Variants in CD44 observed in about 807,000 individuals in gnomAD.
The protein encoded by CD44 is CD44 molecule (IN blood group).
CD44 carries 49 observed loss-of-function variants against 88.8 expected under a neutral mutation model. That is an observed-to-expected ratio of 0.55 (90% CI 0.44 to 0.70). CD44 has a LOEUF of 0.70. Among genes scored for constraint, CD44 ranks in the 30% least tolerant of loss-of-function variants. CD44 has a pLI of 0.00. For synonymous variants in CD44, 325 were observed against 312.3 expected (o/e 1.04, Z -0.43); for missense variants, 883 against 913.8 (o/e 0.97, Z 0.43).
chr11:35,163,171 T>C (rs1304252564), intron 1 of CD44, among the ~76,000 whole-genome samples: 3 of 152,166 alleles, frequency 2.0e-5, no homozygotes, highest in Non-Finnish European at 4.4e-5. Flanking sequence ...TTAATCCACC[T>C]GTAAGTCAGT....
intron 1 of CD44, among the ~76,000 whole-genome samples, chr11:35,157,416 A>G (rs553071291): frequency 6.6e-6 from 1 of 151,448 alleles, no homozygotes. Flanking sequence ...TCATATATCT[A>G]TCTCTATCTA....
chr11:35,208,257 C>G, intron 12 of CD44, 51 bp downstream of exon 12: 3 of 1,210,720 alleles, frequency 2.5e-6, no homozygotes, highest in Non-Finnish European at 3.7e-6. Flanking sequence ...CCTGCTTCAT[C>G]TCTTACTCGC....
At chr11:35,190,091 C>T in intron 5 of CD44, 26 bp downstream of exon 5, 3 of 1,582,366 alleles carry the variant, frequency 1.9e-6, no homozygotes, top group East Asian at 2.2e-5. Flanking sequence ...CACTGTGCTT[C>T]CCAATAGCAA....
intron 1 of CD44, among the ~76,000 whole-genome samples, chr11:35,158,976 T>A (rs1942262281): frequency 6.6e-6 from 1 of 152,210 alleles, no homozygotes; most frequent in African/African-American, 2.4e-5. Flanking sequence ...GTGGTGGGGC[T>A]GGAGGAAGAA....
At chr11:35,220,876 C>T (rs12291025) in intron 16 of CD44, among the ~76,000 whole-genome samples, 53,277 of 150,302 alleles carry the variant, frequency 0.35, 10,582 homozygotes, top group East Asian at 0.81. Context: ...AAGCGATTCT[C>T]CTGCCTCAGC....
intron 9 of CD44, among the ~76,000 whole-genome samples, chr11:35,203,896 C>T (rs544022065): frequency 7.2e-5 from 11 of 152,198 alleles, no homozygotes; most frequent in South Asian, 6.2e-4. Flanking sequence ...GGATAGTTTT[C>T]GTCAACTGAA....
intron 1 of CD44, among the ~76,000 whole-genome samples, chr11:35,151,744 G>A (rs1470442884): frequency 6.6e-6 from 1 of 152,174 alleles, no homozygotes; most frequent in Non-Finnish European, 1.5e-5. Context: ...AGCCATTCTA[G>A]AATCTGTCCA....
At position 35,229,229 on chromosome 11, in the gene CD44, A is replaced by T. The variant is rs1949937300; in HGVS notation, c.2125A>T (p.Met709Leu). ...LNGEASKSQE[M>L]VHLVNKESSE... ...CGGAGAGGCCAGCAAGTCTCAGGAA[A>T]TGGTGCATTTGGTGAACAAGGAGTC... is the stretch of plus-strand genomic sequence containing the variant. Residue 709 changes from methionine (M) to leucine (L), a missense_variant, in exon 18 of 18, where the codon ATG (methionine) becomes TTG (leucine). Coordinates refer to ENST00000428726, the MANE Select transcript of CD44 (RefSeq NM_000610.4). 1.2e-6 allele frequency: 2 copies of T among 1,614,002 alleles called. No individual in the cohort carries two copies. The highest frequency in any genetic ancestry group is 1.7e-6 in the Non-Finnish European group (2 of 1,179,972).
intron 6 of CD44, chr11:35,197,920 A>G (rs1222876590): frequency 5.0e-5 from 26 of 520,444 alleles, no homozygotes; most frequent in Non-Finnish European, 8.5e-5. Flanking sequence ...ATTCAGTTTT[A>G]AAGATCATAG....
chr11:35,153,802 G>C (rs1350183562), intron 1 of CD44, among the ~76,000 whole-genome samples: 1 of 152,244 alleles, frequency 6.6e-6, no homozygotes, highest in Non-Finnish European at 1.5e-5. Flanking sequence ...CCCAGGACCT[G>C]TTGGATGAAT....
intron 11 of CD44, among the ~76,000 whole-genome samples, chr11:35,207,182 T>C (rs1277191806): frequency 6.6e-6 from 1 of 152,230 alleles, no homozygotes; most frequent in Non-Finnish European, 1.5e-5. Context: ...ACCACATTTT[T>C]GTCCTACAAA....
In CD44 at chr11:35,232,060, A is replaced by T. The variant is rs906999712; in HGVS notation, c.*2727A>T. 2 of 152,238 alleles carry T rather than the reference A, an allele frequency of 1.3e-5. No homozygotes were observed. Among genetic ancestry groups the T allele is most frequent in the African/African-American group, 4.8e-5 (2 of 41,468 alleles). 9.4% of individuals were successfully genotyped at this position (152,238 alleles called of 1,614,324 possible). A position where few individuals can be genotyped will look rare whatever the true frequency, so the allele number is the denominator to read the frequency against. On this transcript the variant is annotated 3_prime_UTR_variant, in exon 18 of 18. Transcript: ENST00000428726. The stretch of plus-strand genomic sequence containing the variant: ...TAGCCAACATTCATTCAATACTGTT[A>T]TATCAGAGGAGTAGGAGAGAGGAAA...
chr11:35,166,583 A>G (rs1285971895), intron 1 of CD44, among the ~76,000 whole-genome samples: 3 of 152,194 alleles, frequency 2.0e-5, no homozygotes, highest in Non-Finnish European at 2.9e-5. Flanking sequence ...TTCTTCTCCA[A>G]TGTGACAGGC....
chr11:35,149,525 A>G (rs1859894173), intron 1 of CD44, among the ~76,000 whole-genome samples: 1 of 152,232 alleles, frequency 6.6e-6, no homozygotes, highest in South Asian at 2.1e-4. Flanking sequence ...GTATCCCAAG[A>G]ATAGAAATGA....
intron 12 of CD44, 56 bp downstream of exon 12, chr11:35,208,262 A>G: frequency 8.4e-7 from 1 of 1,184,218 alleles, no homozygotes; most frequent in Non-Finnish European, 1.3e-6. Flanking sequence ...TTCATCTCTT[A>G]CTCGCTATTG....
intron 5 of CD44, among the ~76,000 whole-genome samples, chr11:35,194,675 A>G (rs554668580): frequency 2.0e-5 from 3 of 152,308 alleles, no homozygotes; most frequent in East Asian, 1.9e-4. Flanking sequence ...ACCACTTCAT[A>G]TATCAGAAAG....
At chr11:35,217,801 A>G (rs888395535) in intron 15 of CD44, among the ~76,000 whole-genome samples, 4 of 151,696 alleles carry the variant, frequency 2.6e-5, no homozygotes, top group Non-Finnish European at 2.9e-5. Context: ...ATTTGGTAGG[A>G]AAAAAAAAGT....
At chr11:35,210,174 A>C (rs1948261161) in intron 13 of CD44, 120 bp downstream of exon 13, 1 of 578,404 alleles carries the variant, frequency 1.7e-6, no homozygotes, top group Non-Finnish European at 3.0e-6. Context: ...GTTACTTTTA[A>C]TCAAAAGGTG....
At chr11:35,180,201 G>A in intron 2 of CD44, 73 bp from the exon 3 acceptor site, 1 of 1,487,796 alleles carries the variant, frequency 6.7e-7, no homozygotes, top group Non-Finnish European at 9.3e-7. Flanking sequence ...GGCATTAAAT[G>A]TCATTGAATG....
Sources: gnomAD v4.1 joint callset for allele counts (sites outside exome capture counted in the v4.1 genomes callset) on GRCh38, gnomAD v4.1.1 for gene constraint, MANE v1.5 for transcripts, NCBI Gene and HGNC (gene_info 2026-07-23, HGNC 2026-07-21) for gene names.